The following SUMF1 variants were observed in gnomAD, a reference collection of about 807,000 sequenced individuals.
The protein encoded by SUMF1 is sulfatase modifying factor 1.
Under a neutral mutation model 47.6 loss-of-function variants are expected in SUMF1, and 48 were observed. The observed-to-expected ratio is 1.01, with a 90% confidence interval of 0.80 to 1.28. The LOEUF (loss-of-function observed/expected upper bound fraction) is 1.28, where lower values mean the gene tolerates loss of function less well. SUMF1 is among the 50% of genes most tolerant of loss of function. The pLI, the probability that SUMF1 is intolerant of heterozygous loss-of-function variation, is 0.00. For missense variants in SUMF1, 571 were observed against 485.4 expected (o/e 1.18, Z -1.66); for synonymous variants, 230 against 192.1 (o/e 1.20, Z -1.63).
At chr3:4,349,222 T>A (rs1418140512) in intron 8 of SUMF1, among the ~76,000 whole-genome samples, 1 of 152,194 alleles carries the variant, frequency 6.6e-6, no homozygotes. Context: ...AAGACATTTA[T>A]GCAGCCAATG....
At chr3:4,101,834 A>G (rs1693040341) in intron 8 of SUMF1, among the ~76,000 whole-genome samples, 1 of 152,136 alleles carries the variant, frequency 6.6e-6, no homozygotes, top group Non-Finnish European at 1.5e-5. Context: ...TCACACTGCT[A>G]TAAAGAACTA....
intron 8 of SUMF1, among the ~76,000 whole-genome samples, chr3:4,175,217 C>T (rs1694931442): frequency 6.6e-6 from 1 of 152,212 alleles, no homozygotes; most frequent in African/African-American, 2.4e-5. Flanking sequence ...TGAGAATGGA[C>T]AGACTGCCTC....
intron 6 of SUMF1, among the ~76,000 whole-genome samples, chr3:4,413,699 G>T (rs1043194097): frequency 2.0e-4 from 30 of 151,852 alleles, no homozygotes; most frequent in African/African-American, 6.5e-4. Flanking sequence ...AAATTCTTTA[G>T]TCTCACTGTG....
chr3:4,211,352 T>C (rs905964459), intron 8 of SUMF1, among the ~76,000 whole-genome samples: 3 of 151,172 alleles, frequency 2.0e-5, no homozygotes, highest in Non-Finnish European at 2.9e-5. Flanking sequence ...GGCCCTAGTA[T>C]GTGTTGTTCC....
intron 8 of SUMF1, among the ~76,000 whole-genome samples, chr3:4,284,067 AGCAAGAACC>A (rs949780498): frequency 6.6e-5 from 10 of 152,100 alleles, no homozygotes; most frequent in African/African-American, 2.2e-4. Flanking sequence ...TTCAGACCAT[AGCAAGAACC>A]CTAGAGAAAA....
chr3:4,297,412 T>G (rs899455641), intron 8 of SUMF1, among the ~76,000 whole-genome samples: 5 of 152,020 alleles, frequency 3.3e-5, no homozygotes, highest in African/African-American at 1.2e-4. Flanking sequence ...GTGTTTTGGG[T>G]TTGTTTTAGA....
At chr3:4,059,265 G>T (rs537721989) in intron 9 of SUMF1, among the ~76,000 whole-genome samples, 1 of 152,248 alleles carries the variant, frequency 6.6e-6, no homozygotes, top group South Asian at 2.1e-4. Flanking sequence ...AGTCAGATGA[G>T]CATCTAACAC....
chr3:4,063,054 T>G lies in SUMF1; in HGVS notation c.1191+5515A>C, dbSNP rs1346187704. On this transcript the variant is annotated intron_variant and NMD_transcript_variant, in intron 9 of 12. Coordinates refer to the SUMF1 transcript ENST00000448413. ...AAAAATCTGCATTTTCAATGCTTTA[T>G]TTAAAAAGGAAACAAGCATTTATTG... 2.0e-5 allele frequency among the ~76,000 whole-genome samples: 3 copies of G among 152,160 alleles called. No homozygotes were observed. In the East Asian group the frequency reaches 5.8e-4, roughly 29 times the overall value.
At chr3:4,420,034 G>T (rs1192974274) in intron 4 of SUMF1, 30 bp downstream of exon 4, 6 of 1,599,946 alleles carry the variant, frequency 3.8e-6, no homozygotes, top group Non-Finnish European at 5.1e-6. Flanking sequence ...AATGGAACTT[G>T]TCAACTGGGG....
chr3:4,105,318 CTGG>C (rs1345279935), intron 8 of SUMF1, among the ~76,000 whole-genome samples: 3 of 152,054 alleles, frequency 2.0e-5, no homozygotes, highest in Admixed American at 6.6e-5. Flanking sequence ...CTCGCATAGG[CTGG>C]TGATTATAGT....
At chr3:4,122,814 G>T (rs571206501) in intron 8 of SUMF1, among the ~76,000 whole-genome samples, 56 of 152,272 alleles carry the variant, frequency 3.7e-4, no homozygotes, top group African/African-American at 1.3e-3. Context: ...GAGTGTATTG[G>T]AACTGTTGCC....
chr3:4,180,090 T>C (rs1440174793), intron 8 of SUMF1, among the ~76,000 whole-genome samples: 1 of 152,186 alleles, frequency 6.6e-6, no homozygotes, highest in Non-Finnish European at 1.5e-5. Flanking sequence ...TTTTACACTG[T>C]TGGTGGGAGT....
chr3:4,071,295 G>C (rs1205854473), intron 8 of SUMF1, among the ~76,000 whole-genome samples: 2 of 152,140 alleles, frequency 1.3e-5, no homozygotes, highest in African/African-American at 4.8e-5. Flanking sequence ...ATTGAGACTG[G>C]ATGGACAGTG....
At chr3:4,253,958 G>GACCCCCGAGCAGCCTAACTGGGAGGC in intron 8 of SUMF1, among the ~76,000 whole-genome samples, 2 of 150,758 alleles carry the variant, frequency 1.3e-5, no homozygotes, top group African/African-American at 4.9e-5. Context: ...CCTGACCCCT[G>GACCCCCGAGCAGCCTAACTGGGAGGC]ACCCCCGAGC....
chr3:4,219,740 G>A (rs1170408347), intron 8 of SUMF1, among the ~76,000 whole-genome samples: 1 of 152,152 alleles, frequency 6.6e-6, no homozygotes, highest in African/African-American at 2.4e-5. Flanking sequence ...CTGGGAATAT[G>A]TTAAAAATAT....
chr3:4,112,577 T>A (rs182080754), intron 8 of SUMF1, among the ~76,000 whole-genome samples: 25 of 152,252 alleles, frequency 1.6e-4, no homozygotes, highest in African/African-American at 5.3e-4. Flanking sequence ...ATCATAAAGA[T>A]GAATGAGACC....
chr3:4,366,378 C>A (rs1278997203), intron 8 of SUMF1, among the ~76,000 whole-genome samples: 7 of 152,278 alleles, frequency 4.6e-5, no homozygotes, highest in African/African-American at 1.7e-4. Context: ...TTGGTCTTTT[C>A]ACATAGTCCC....
At chr3:4,075,148 C>CAAT (rs1189174472) in intron 8 of SUMF1, among the ~76,000 whole-genome samples, 1 of 150,216 alleles carries the variant, frequency 6.7e-6, no homozygotes, top group East Asian at 2.0e-4. Flanking sequence ...TTATCCACCA[C>CAAT]CAAGTCGGCT....
At chr3:4,099,117 A>G (rs1403734774) in intron 8 of SUMF1, among the ~76,000 whole-genome samples, 1 of 152,130 alleles carries the variant, frequency 6.6e-6, no homozygotes, top group Non-Finnish European at 1.5e-5. Context: ...CATCCAGATA[A>G]TGGTGGCTTG....
Sources: allele counts gnomAD v4.1 joint callset (sites outside exome capture counted in the v4.1 genomes callset), GRCh38; gene constraint gnomAD v4.1.1; transcripts MANE v1.5; gene names NCBI Gene and HGNC (gene_info 2026-07-23, HGNC 2026-07-21).